Variants in GTF2B observed in about 807,000 individuals in gnomAD.
GTF2B encodes general transcription factor IIB, also known as transcription initiation factor IIB.
Under a neutral mutation model 34.6 loss-of-function variants are expected in GTF2B, and 20 were observed. The observed-to-expected ratio is 0.58, with a 90% CI of 0.41 to 0.84. The LOEUF (loss-of-function observed/expected upper bound fraction) is 0.84. Among genes scored for constraint, GTF2B ranks in the 40% least tolerant of loss-of-function variants. The pLI is 0.00. For synonymous variants in GTF2B, 142 were observed against 132.4 expected (o/e 1.07, Z -0.50); for missense variants, 237 against 393.3 (o/e 0.60, Z 3.36).
chr1:88,862,341 G>T (rs901504583), intron 3 of GTF2B, among the ~76,000 whole-genome samples: 3 of 152,200 alleles, frequency 2.0e-5, no homozygotes. Flanking sequence ...CCAAGAATTG[G>T]GACAAGCCTG....
chr1:88,873,605 A>C (rs1331317785), intron 2 of GTF2B, among the ~76,000 whole-genome samples: 1 of 152,188 alleles, frequency 6.6e-6, no homozygotes, highest in Non-Finnish European at 1.5e-5. Flanking sequence ...TTAACAGTCC[A>C]TACTTAACAG....
intron 2 of GTF2B, among the ~76,000 whole-genome samples, chr1:88,867,210 C>T (rs953313326): frequency 2.0e-5 from 3 of 152,170 alleles, no homozygotes; most frequent in African/African-American, 7.2e-5. Flanking sequence ...AAATTACCTG[C>T]ATTCCCAATA....
intron 2 of GTF2B, 62 bp downstream of exon 2, chr1:88,887,199 G>C: frequency 9.3e-7 from 1 of 1,071,638 alleles, no homozygotes; most frequent in South Asian, 1.3e-5. Flanking sequence ...AATTACAGGC[G>C]TGAGCCACCA....
rs1165333016 is a variant in GTF2B at position 88,891,522 on chromosome 1, G to T, written c.-23C>A. On this transcript the variant is annotated 5_prime_UTR_variant, in exon 1 of 7. Transcript: ENST00000370500. ...CATCTTCACGGCGACTGCGGTGCCC[G>T]CAACAAGACACAACAGACACACCGA... is the stretch of plus-strand genomic sequence containing the variant. 4.4e-6 allele frequency: 7 copies of T among 1,598,322 alleles called. No individual in the cohort carries two copies. The highest frequency in any genetic ancestry group is 2.3e-5 in the East Asian group (1 of 44,182).
intron 6 of GTF2B, among the ~76,000 whole-genome samples, chr1:88,854,076 A>G (rs1322224879): frequency 6.6e-6 from 1 of 152,140 alleles, no homozygotes; most frequent in East Asian, 1.9e-4. Context: ...TTTTCTTTAT[A>G]AATCTTTCTG....
intron 2 of GTF2B, among the ~76,000 whole-genome samples, chr1:88,873,050 T>C (rs966010390): frequency 2.0e-5 from 3 of 152,118 alleles, no homozygotes; most frequent in East Asian, 1.9e-4. Context: ...TAATAAAGAA[T>C]TGTCAATCCA....
chr1:88,880,257 A>G (rs1017574932), intron 2 of GTF2B, among the ~76,000 whole-genome samples: 3 of 152,228 alleles, frequency 2.0e-5, no homozygotes, highest in Non-Finnish European at 2.9e-5. Context: ...TCAAATTCCC[A>G]TGAAAAACAG....
chr1:88,856,256 G>C (rs933952290), intron 6 of GTF2B, among the ~76,000 whole-genome samples: 1 of 108,506 alleles, frequency 9.2e-6, no homozygotes, highest in Non-Finnish European at 1.7e-5. Context: ...GCAACAGAGG[G>C]AGACTGTTTC....
chr1:88,884,028 T>G (rs4376711), intron 2 of GTF2B, among the ~76,000 whole-genome samples: 65,555 of 140,166 alleles, frequency 0.47, 16,205 homozygotes, highest in South Asian at 0.67. Context: ...ACTGACTTTT[T>G]TTTTTTTTTT....
intron 1 of GTF2B, among the ~76,000 whole-genome samples, chr1:88,888,590 G>A (rs1674127141): frequency 6.6e-6 from 1 of 152,152 alleles, no homozygotes; most frequent in African/African-American, 2.4e-5. Context: ...TAGTAAAAGA[G>A]GAGGCCATGT....
At chr1:88,853,790 A>G (rs1673242120) in intron 6 of GTF2B, among the ~76,000 whole-genome samples, 2 of 152,216 alleles carry the variant, frequency 1.3e-5, no homozygotes, top group Non-Finnish European at 2.9e-5. Context: ...GCGAGAGAGC[A>G]AGATTCCATC....
chr1:88,859,782 G>A, intron 5 of GTF2B, 100 bp downstream of exon 5: 1 of 1,015,952 alleles, frequency 9.8e-7, no homozygotes, highest in South Asian at 1.5e-5. Flanking sequence ...GTTGCAGTGA[G>A]TCAAGATTGC....
chr1:88,887,696 A>G (rs763829873), intron 1 of GTF2B: 6 of 271,366 alleles, frequency 2.2e-5, no homozygotes, highest in Non-Finnish European at 3.6e-5. Context: ...AGTTACCGTA[A>G]TAACCTGCAG....
At chr1:88,886,332 T>C (rs1476064172) in intron 2 of GTF2B, among the ~76,000 whole-genome samples, 1 of 152,188 alleles carries the variant, frequency 6.6e-6, no homozygotes, top group African/African-American at 2.4e-5. Context: ...TGCTAAATAT[T>C]ACCCCTATTC....
intron 2 of GTF2B, among the ~76,000 whole-genome samples, chr1:88,865,615 C>T (rs758897869): frequency 4.0e-5 from 6 of 151,878 alleles, no homozygotes; most frequent in African/African-American, 9.7e-5. Flanking sequence ...CAGCACTTTG[C>T]GAGGTCCAGG....
chr1:88,859,348 T>G (rs1673386796), intron 5 of GTF2B, among the ~76,000 whole-genome samples: 1 of 152,188 alleles, frequency 6.6e-6, no homozygotes, highest in Admixed American at 6.5e-5. Context: ...ATAGTGGGCT[T>G]ACGTGGACTA....
Position 88,853,329 on chromosome 1 carries a change from C to G in GTF2B, c.835G>C (p.Gly279Arg). The change falls in exon 7 of 7, where the codon GGT (glycine) becomes CGT (arginine). Residue 279 changes from glycine (G) to arginine (R), a missense_variant. Transcript: ENST00000370500. The part of the protein sequence containing the change: ...RTQKEIGDIA[G>R]VADVTIRQSY... ...TGTCTGATTGTAACATCAGCAACAC[C>G]AGCAATATCTCCAATTTCTAAAAGA... The G allele has an allele frequency of 6.2e-7, 1 of 1,612,500 alleles. No homozygotes were observed. Among genetic ancestry groups the G allele is most frequent in the Non-Finnish European group, 8.5e-7 (1 of 1,178,618 alleles).
intron 2 of GTF2B, among the ~76,000 whole-genome samples, chr1:88,875,040 A>C (rs1274701899): frequency 6.6e-6 from 1 of 152,192 alleles, no homozygotes; most frequent in Admixed American, 6.5e-5. Flanking sequence ...TTCTGTGGTC[A>C]TATAATCCTT....
chr1:88,856,282 A>C (rs201313886), intron 6 of GTF2B, among the ~76,000 whole-genome samples: 2,989 of 118,398 alleles, frequency 0.025, 49 homozygotes, highest in South Asian at 0.064. Context: ...CAAAAAAAAA[A>C]AAAAAAAACA....
Sources: allele counts gnomAD v4.1 joint callset (sites outside exome capture counted in the v4.1 genomes callset), GRCh38; gene constraint gnomAD v4.1.1; transcripts MANE v1.5; gene names NCBI Gene and HGNC (gene_info 2026-07-23, HGNC 2026-07-21).